The following CYP3A5 variants were observed in gnomAD, a reference collection of about 807,000 sequenced individuals.
CYP3A5 encodes cytochrome P450 3A5.
A neutral mutation model predicts 55.9 loss-of-function variants in CYP3A5; 51 were observed. The ratio of observed to expected loss-of-function variants is 0.91; its 90% CI spans 0.73 to 1.15. CYP3A5 has a LOEUF of 1.15. CYP3A5 is among the 50% of genes most tolerant of loss of function. CYP3A5 has a pLI of 0.00. For synonymous variants in CYP3A5, 196 were observed against 213.9 expected (o/e 0.92, Z 0.73); for missense variants, 533 against 596.6 (o/e 0.89, Z 1.11).
chr7:99,677,308 A>G, intron 1 of CYP3A5: 1 of 952,540 alleles, frequency 1.0e-6, no homozygotes, highest in Non-Finnish European at 1.3e-6. Context: ...TGCTAGCCCC[A>G]CACAGTTGGC....
At chr7:99,664,320 A>C (rs753242280) in intron 7 of CYP3A5, among the ~76,000 whole-genome samples, 9 of 152,240 alleles carry the variant, frequency 5.9e-5, no homozygotes, top group Non-Finnish European at 8.8e-5. Flanking sequence ...GCACCTTCTG[A>C]GTCTTTGGAG....
At chr7:99,672,480 A>C in intron 4 of CYP3A5, 100 bp downstream of exon 4, 1 of 1,043,094 alleles carries the variant, frequency 9.6e-7, no homozygotes, top group Non-Finnish European at 1.5e-6. Flanking sequence ...ACCTTCCTGT[A>C]CATTTTTTAG....
intron 4 of CYP3A5, chr7:99,671,883 G>C (rs188854304): frequency 1.9e-5 from 13 of 701,630 alleles, no homozygotes; most frequent in African/African-American, 8.7e-5. Flanking sequence ...ACAAATCTAC[G>C]AATGTGAAAA....
At chr7:99,664,907 A>G (rs1810829213) in intron 7 of CYP3A5, among the ~76,000 whole-genome samples, 1 of 152,222 alleles carries the variant, frequency 6.6e-6, no homozygotes. Flanking sequence ...AGAATAGGCA[A>G]ATCTATAGAG....
chr7:99,676,263 G>A, intron 1 of CYP3A5, 55 bp from the exon 2 acceptor site: 1 of 1,609,588 alleles, frequency 6.2e-7, no homozygotes, highest in East Asian at 2.2e-5. Context: ...TAGATCAGAG[G>A]GCTGGTGAGT....
At chr7:99,673,280 A>G (rs376413308) in intron 3 of CYP3A5, among the ~76,000 whole-genome samples, 7 of 152,290 alleles carry the variant, frequency 4.6e-5, no homozygotes, top group African/African-American at 1.4e-4. Flanking sequence ...AAGTACAAAG[A>G]GGCAAAGCTT....
intron 2 of CYP3A5, among the ~76,000 whole-genome samples, chr7:99,675,714 C>T (rs1362293874): frequency 8.0e-6 from 1 of 124,462 alleles, no homozygotes; most frequent in Non-Finnish European, 1.7e-5. Context: ...TTCTTTCTTC[C>T]TTTCTGTCTT....
intron 8 of CYP3A5, 113 bp downstream of exon 8, chr7:99,663,855 A>C: frequency 1.4e-6 from 2 of 1,425,348 alleles, no homozygotes; most frequent in Non-Finnish European, 1.8e-6. Context: ...CTTGTTCTAA[A>C]CATAAGTTCT....
At chr7:99,677,742 T>C (rs1289668307) in intron 1 of CYP3A5, among the ~76,000 whole-genome samples, 1 of 152,174 alleles carries the variant, frequency 6.6e-6, no homozygotes, top group African/African-American at 2.4e-5. Context: ...AAAGCCAGGG[T>C]GGCCTTGGGT....
chr7:99,651,386 C>T (rs1809173842), intron 11 of CYP3A5, among the ~76,000 whole-genome samples: 1 of 152,142 alleles, frequency 6.6e-6, no homozygotes, highest in Admixed American at 6.5e-5. Context: ...ACATGGCAAG[C>T]ACTATCTTTT....
intron 3 of CYP3A5, 68 bp downstream of exon 3, chr7:99,674,465 C>G: frequency 1.4e-5 from 18 of 1,269,436 alleles, no homozygotes; most frequent in Non-Finnish European, 1.7e-5. Flanking sequence ...TGGGCAGAGA[C>G]TATCCTGCAG....
intron 11 of CYP3A5, among the ~76,000 whole-genome samples, chr7:99,651,675 C>T (rs1809206014): frequency 6.6e-6 from 1 of 152,218 alleles, no homozygotes; most frequent in Admixed American, 6.5e-5. Flanking sequence ...CATCCTGAAT[C>T]ACCAGCCAGT....
At chr7:99,657,842 CTTCT>C (rs530855110) in intron 10 of CYP3A5, among the ~76,000 whole-genome samples, 40 of 152,220 alleles carry the variant, frequency 2.6e-4, no homozygotes, top group Non-Finnish European at 5.0e-4. Context: ...ATGTAATGGC[CTTCT>C]TTGTCTCTTT....
intron 10 of CYP3A5, chr7:99,660,193 G>A: frequency 1.0e-6 from 1 of 984,946 alleles, no homozygotes. Flanking sequence ...GTTCCTGTTT[G>A]GCCATCTTCT....
intron 3 of CYP3A5, among the ~76,000 whole-genome samples, chr7:99,673,194 G>A (rs1811853292): frequency 6.6e-6 from 1 of 152,194 alleles, no homozygotes; most frequent in Non-Finnish European, 1.5e-5. Context: ...CATGTTGCCT[G>A]TATGGGCCAT....
chr7:99,657,046 G>A (rs1452701982), intron 10 of CYP3A5, among the ~76,000 whole-genome samples: 1 of 151,962 alleles, frequency 6.6e-6, no homozygotes. Flanking sequence ...TGGATTCATT[G>A]ATTTTTTTGA....
At chr7:99,655,049 G>A (rs1209490757) in intron 10 of CYP3A5, among the ~76,000 whole-genome samples, 8 of 152,164 alleles carry the variant, frequency 5.3e-5, no homozygotes, top group Non-Finnish European at 1.5e-5. Context: ...TCTGATGGTA[G>A]TTTCTTTTGC....
In CYP3A5 at chr7:99,660,499, C is replaced by T. The variant is rs754660849; in HGVS notation, c.1026G>A (p.Lys342=). Residue 342 remains lysine (K), a splice_region_variant and synonymous_variant, in exon 10 of 13, where the codon AAG becomes AAA. Coordinates refer to ENST00000222982, the MANE Select transcript of CYP3A5 (RefSeq NM_000777.5). ...TCATCTCCAGGGGTCATCCCCTCAC[C>T]TTATTGGGCAAAACTGCATCAATCT... The part of the protein sequence containing the change: ...QKEIDAVLPN[K]APPTYDAVVQ... 3.1e-6 allele frequency: 5 copies of T among 1,609,500 alleles called. No individual in the cohort carries two copies. The highest frequency in any genetic ancestry group is 3.4e-6 in the Non-Finnish European group (4 of 1,177,918).
rs966043472 is a variant in CYP3A5, at chr7:99,672,940, A to G, written c.219-261T>C. 3.2e-6 allele frequency: 4 copies of G among 1,249,672 alleles called. No homozygotes were observed. In the African/African-American group the frequency reaches 6.1e-5, roughly 19 times the overall value. 77.4% of individuals were successfully genotyped at this position (1,249,672 alleles called of 1,614,324 possible). A position where few individuals can be genotyped will look rare whatever the true frequency, so the allele number is the denominator to read the frequency against. Reference sequence around the variant, plus strand: ...ATTGAAAGACAAAAGAGCTCTTTAAAGAGATTATGGTTAGAAATGACAGTA... The same window carrying G: ...ATTGAAAGACAAAAGAGCTCTTTAAGGAGATTATGGTTAGAAATGACAGTA... On this transcript the variant is annotated intron_variant, in intron 3 of 12. Transcript: ENST00000222982.
Sources: allele counts gnomAD v4.1 joint callset (sites outside exome capture counted in the v4.1 genomes callset), GRCh38; gene constraint gnomAD v4.1.1; transcripts MANE v1.5; gene names NCBI Gene and HGNC (gene_info 2026-07-23, HGNC 2026-07-21).